DENND2B: variants seen among roughly 807,000 people sequenced by gnomAD.
The protein encoded by DENND2B is DENN domain-containing protein 2B.
In DENND2B, 32 loss-of-function variants were observed where a neutral mutation model predicts 116.0. The observed-to-expected ratio is 0.28, with a 90% CI of 0.21 to 0.37. The LOEUF (loss-of-function observed/expected upper bound fraction) is 0.37. Among genes scored for constraint, DENND2B ranks in the 10% least tolerant of loss-of-function variants. The probability of loss-of-function intolerance (pLI) is 1.00; values close to 1 mark genes in which losing one functional copy is unlikely to be tolerated. For synonymous variants in DENND2B, 588 were observed against 583.9 expected, an observed-to-expected ratio of 1.01 and a Z score of -0.10; for missense variants, 1,276 against 1,477.7, an observed-to-expected ratio of 0.86 and a Z score of 2.24.
intron 1 of DENND2B, among the ~76,000 whole-genome samples, chr11:8,755,360 A>G (rs2053430619): frequency 6.6e-6 from 1 of 152,240 alleles, no homozygotes; most frequent in African/African-American, 2.4e-5. Flanking sequence ...TGATAAAAAT[A>G]AGTCAAGTCC....
At chr11:8,706,631 A>T (rs2133761206) in intron 13 of DENND2B, among the ~76,000 whole-genome samples, 1 of 152,156 alleles carries the variant, frequency 6.6e-6, no homozygotes, top group East Asian at 1.9e-4. Context: ...ACACTCTCAT[A>T]AGGTCCTGTG....
chr11:8,745,208 C>T (rs965073515), intron 2 of DENND2B, among the ~76,000 whole-genome samples: 9 of 152,160 alleles, frequency 5.9e-5, no homozygotes, highest in African/African-American at 1.7e-4. Flanking sequence ...GTGTGCACCA[C>T]CACATCCAGC....
At chr11:8,829,107 G>A (rs1026092695) in intron 4 of DENND2B, among the ~76,000 whole-genome samples, 4 of 150,634 alleles carry the variant, frequency 2.7e-5, no homozygotes, top group Admixed American at 6.6e-5. Flanking sequence ...GTGGGTATGT[G>A]GTGTGCTTTT....
intron 4 of DENND2B, among the ~76,000 whole-genome samples, chr11:8,819,289 G>C (rs756440424): frequency 1.3e-5 from 2 of 151,970 alleles, no homozygotes; most frequent in South Asian, 2.1e-4. Context: ...GGCTACTTTC[G>C]ACACTGAGGT....
intron 1 of DENND2B, chr11:8,809,089 A>C (rs577183541): frequency 6.6e-6 from 1 of 152,340 alleles, no homozygotes; most frequent in Admixed American, 6.5e-5. Flanking sequence ...CCCTCCAGCA[A>C]AATGTAGGTT....
chr11:8,726,264 G>T, intron 3 of DENND2B, 55 bp from the exon 4 acceptor site: 1 of 1,554,364 alleles, frequency 6.4e-7, no homozygotes, highest in Non-Finnish European at 8.7e-7. Context: ...CTGCTGCCTT[G>T]CTGGGGAATG....
chr11:8,713,471 C>T (rs555435682), intron 8 of DENND2B, among the ~76,000 whole-genome samples: 96 of 152,212 alleles, frequency 6.3e-4, no homozygotes, highest in African/African-American at 2.2e-3. Context: ...CCTCCGCCTC[C>T]CGGGTTCAAG....
At chr11:8,838,205 G>A (rs2062502804) in intron 4 of DENND2B, among the ~76,000 whole-genome samples, 1 of 152,154 alleles carries the variant, frequency 6.6e-6, no homozygotes, top group South Asian at 2.1e-4. Flanking sequence ...CCTCTTGCCT[G>A]TCTAGTCTTT....
At chr11:8,718,656 A>G in intron 4 of DENND2B, 1 of 1,261,424 alleles carries the variant, frequency 7.9e-7, no homozygotes, top group Non-Finnish European at 1.0e-6. Flanking sequence ...GAGGTGTGAA[A>G]GGCTTGGAAG....
At chr11:8,761,617 T>C (rs2054647943) in intron 1 of DENND2B, among the ~76,000 whole-genome samples, 1 of 152,142 alleles carries the variant, frequency 6.6e-6, no homozygotes. Flanking sequence ...CCCCATTCTT[T>C]CTTAAATATC....
rs369914433 is a variant in DENND2B at position 8,802,116 on chromosome 11, T to A, written c.-26+8401A>T. 2.1e-4 allele frequency among the ~76,000 whole-genome samples: 31 copies of A among 150,862 alleles called. No individual in the cohort carries two copies. In the East Asian group the frequency reaches 5.7e-3, roughly 28 times the overall value. ...AGGAGTTCAAGACCAGCGTGGCTAA[T>A]ATGGCGAAACCCCATCGATACTAAA... On this transcript the variant is annotated intron_variant, in intron 1 of 19. Coordinates refer to ENST00000313726, the MANE Select transcript of DENND2B (RefSeq NM_213618.2).
At chr11:8,849,822 C>CAAAAAA (rs10646471) in intron 3 of DENND2B, among the ~76,000 whole-genome samples, 1 of 140,662 alleles carries the variant, frequency 7.1e-6, no homozygotes, top group African/African-American at 2.7e-5. Flanking sequence ...GTCTCCATCT[C>CAAAAAA]AAAAAAAAAA....
chr11:8,715,826 G>A lies in DENND2B; in HGVS notation c.1630-8C>T, dbSNP rs781359483. ...GTTGGGTTTCAGGGAAAGCTGGCGT[G>A]GGGGAGAGGACGTGCGAGAGGGGCT... is the stretch of plus-strand genomic sequence containing the variant. On this transcript the variant is annotated splice_polypyrimidine_tract_variant and splice_region_variant and intron_variant, in intron 5 of 19. Coordinates refer to ENST00000313726, the MANE Select transcript of DENND2B (RefSeq NM_213618.2). The A allele has an allele frequency of 9.4e-6, 15 of 1,591,890 alleles. No individual in the cohort carries two copies. The highest frequency in any genetic ancestry group is 8.4e-5 in the Admixed American group (5 of 59,328).
At chr11:8,715,893 G>T in intron 5 of DENND2B, 75 bp from the exon 6 acceptor site, 1 of 1,404,798 alleles carries the variant, frequency 7.1e-7, no homozygotes, top group Non-Finnish European at 9.6e-7. Flanking sequence ...CTGGGATGGG[G>T]ACACAGAGGC....
At chr11:8,800,433 A>C (rs906866331) in intron 1 of DENND2B, among the ~76,000 whole-genome samples, 3 of 152,212 alleles carry the variant, frequency 2.0e-5, no homozygotes, top group South Asian at 2.1e-4. Flanking sequence ...TCCTGGTTCT[A>C]CAAGGAGCTA....
chr11:8,779,509 T>C (rs1034149528), intron 1 of DENND2B, among the ~76,000 whole-genome samples: 1 of 113,884 alleles, frequency 8.8e-6, no homozygotes, highest in Non-Finnish European at 1.9e-5. Flanking sequence ...TTTCTTTCTT[T>C]CTTTCTTTTT....
chr11:8,698,166 A>AAAAAGG (rs1555092981), intron 16 of DENND2B, among the ~76,000 whole-genome samples: 9 of 129,446 alleles, frequency 7.0e-5, no homozygotes, highest in South Asian at 2.6e-4. Context: ...AAAAAAAAAA[A>AAAAAGG]GGGGGTAGAG....
intron 14 of DENND2B, chr11:8,700,014 T>C (rs1289893548): frequency 8.8e-6 from 4 of 456,246 alleles, no homozygotes; most frequent in South Asian, 6.2e-5. Flanking sequence ...CAGAGGCAGC[T>C]GCAACCACAG....
intron 4 of DENND2B, chr11:8,718,770 GA>G: frequency 9.7e-7 from 1 of 1,034,638 alleles, no homozygotes; most frequent in African/African-American, 1.7e-5. Context: ...GAAAATCTCA[GA>G]AAAGTCCAAA....
Sources: gnomAD v4.1 joint callset for allele counts (sites outside exome capture counted in the v4.1 genomes callset) on GRCh38, gnomAD v4.1.1 for gene constraint, MANE v1.5 for transcripts, NCBI Gene and HGNC (gene_info 2026-07-23, HGNC 2026-07-21) for gene names.